AGBL4: variants seen among roughly 807,000 people sequenced by gnomAD.
AGBL4 encodes the protein AGBL carboxypeptidase 4.
AGBL4 carries 58 observed loss-of-function variants against 66.4 expected under a neutral mutation model. The ratio of observed to expected loss-of-function variants is 0.87; its 90% CI spans 0.71 to 1.09. The LOEUF (loss-of-function observed/expected upper bound fraction) is 1.09, where lower values mean the gene tolerates loss of function less well. AGBL4 is among the 50% of genes least tolerant of loss of function. The pLI is 0.00. For synonymous variants in AGBL4, 234 were observed against 222.9 expected (o/e 1.05, Z -0.44); for missense variants, 579 against 631.0 (o/e 0.92, Z 0.88).
At chr1:49,441,766 A>G (rs1262311027) in intron 3 of AGBL4, among the ~76,000 whole-genome samples, 1 of 152,198 alleles carries the variant, frequency 6.6e-6, no homozygotes, top group East Asian at 1.9e-4. Context: ...CCAACAGGTG[A>G]CCTCAGCAGA....
At chr1:48,646,708 G>A (rs1645842558) in intron 8 of AGBL4, among the ~76,000 whole-genome samples, 1 of 152,058 alleles carries the variant, frequency 6.6e-6, no homozygotes, top group South Asian at 2.1e-4. Context: ...TCAGAAGGAA[G>A]TACTCTCTGC....
intron 3 of AGBL4, among the ~76,000 whole-genome samples, chr1:49,483,448 G>A (rs1034369596): frequency 7.9e-5 from 12 of 151,764 alleles, no homozygotes; most frequent in African/African-American, 2.4e-4. Flanking sequence ...AAATACCAAT[G>A]AAATTATTCA....
At chr1:49,430,001 T>A (rs2148655362) in intron 3 of AGBL4, among the ~76,000 whole-genome samples, 1 of 152,066 alleles carries the variant, frequency 6.6e-6, no homozygotes, top group East Asian at 1.9e-4. Context: ...AGCATCACCA[T>A]GCCTGGCTAA....
At chr1:48,766,890 G>C (rs1359760358) in intron 6 of AGBL4, among the ~76,000 whole-genome samples, 1 of 152,194 alleles carries the variant, frequency 6.6e-6, no homozygotes, top group Non-Finnish European at 1.5e-5. Context: ...ATGCTAAGTA[G>C]TCCTTGTGTT....
intron 11 of AGBL4, among the ~76,000 whole-genome samples, chr1:48,562,717 T>G (rs907965829): frequency 6.6e-6 from 1 of 152,144 alleles, no homozygotes; most frequent in African/African-American, 2.4e-5. Flanking sequence ...GAAGAAAATT[T>G]GAGACTCAGA....
At chr1:48,853,319 C>T (rs935530375) in intron 6 of AGBL4, among the ~76,000 whole-genome samples, 3 of 152,192 alleles carry the variant, frequency 2.0e-5, no homozygotes, top group Admixed American at 6.5e-5. Flanking sequence ...TGAGAGACCC[C>T]AAGCCAAAAC....
chr1:50,022,455 A>C (rs1572074263), intron 1 of AGBL4, among the ~76,000 whole-genome samples: 1 of 152,296 alleles, frequency 6.6e-6, no homozygotes, highest in Non-Finnish European at 1.5e-5. Flanking sequence ...GGGAGCTAAA[A>C]CTATAAAATG....
chr1:48,925,560 T>G (rs964489991), intron 5 of AGBL4, among the ~76,000 whole-genome samples: 2 of 152,156 alleles, frequency 1.3e-5, no homozygotes, highest in African/African-American at 4.8e-5. Flanking sequence ...TGTTAGTGTA[T>G]TTTATGTGTG....
At chr1:48,636,594 A>G (rs1395582969) in intron 8 of AGBL4, among the ~76,000 whole-genome samples, 1 of 152,200 alleles carries the variant, frequency 6.6e-6, no homozygotes, top group Non-Finnish European at 1.5e-5. Context: ...ACTACATTAA[A>G]TTGTCTTTCA....
At chr1:49,324,859 C>T (rs751088881) in intron 3 of AGBL4, among the ~76,000 whole-genome samples, 1 of 152,148 alleles carries the variant, frequency 6.6e-6, no homozygotes, top group Non-Finnish European at 1.5e-5. Context: ...GTGAGTGACA[C>T]ATAGTGGTCT....
intron 5 of AGBL4, among the ~76,000 whole-genome samples, chr1:48,895,416 G>A (rs1263910683): frequency 6.6e-6 from 1 of 152,234 alleles, no homozygotes; most frequent in Admixed American, 6.5e-5. Context: ...CTGGCAAGGA[G>A]AGACAGCTTA....
chr1:49,333,914 G>T (rs1645383894), intron 3 of AGBL4, among the ~76,000 whole-genome samples: 1 of 152,116 alleles, frequency 6.6e-6, no homozygotes, highest in African/African-American at 2.4e-5. Flanking sequence ...GAGAACTTTG[G>T]TTAAGCCTGG....
At chr1:49,672,381 ACT>A (rs1291175834) in intron 3 of AGBL4, among the ~76,000 whole-genome samples, 5 of 151,930 alleles carry the variant, frequency 3.3e-5, no homozygotes, top group Non-Finnish European at 5.9e-5. Context: ...AGAAATAATA[ACT>A]CTTGTGTAAT....
At chr1:49,895,191 C>A in intron 1 of AGBL4, among the ~76,000 whole-genome samples, 2 of 147,446 alleles carry the variant, frequency 1.4e-5, no homozygotes, top group African/African-American at 5.0e-5. Flanking sequence ...AAGACTTTCC[C>A]AGTTTAAAAA....
At chr1:48,551,886 T>C (rs1644253852) in intron 11 of AGBL4, among the ~76,000 whole-genome samples, 1 of 151,936 alleles carries the variant, frequency 6.6e-6, no homozygotes, top group African/African-American at 2.4e-5. Context: ...ATCACCCTAA[T>C]GGGGTCTTTT....
At chr1:49,075,409 TA>T (rs1285672476) in intron 4 of AGBL4, among the ~76,000 whole-genome samples, 1 of 152,122 alleles carries the variant, frequency 6.6e-6, no homozygotes, top group Non-Finnish European at 1.5e-5. Flanking sequence ...GTCCAAAAAA[TA>T]AAAATAAATA....
intron 3 of AGBL4, among the ~76,000 whole-genome samples, chr1:49,401,592 T>C (rs966977276): frequency 2.0e-5 from 3 of 152,230 alleles, no homozygotes; most frequent in African/African-American, 7.2e-5. Flanking sequence ...TGCTAGTATT[T>C]GGTTGAAAAT....
chr1:49,503,960 C>G (rs1648440296), intron 3 of AGBL4, among the ~76,000 whole-genome samples: 1 of 152,060 alleles, frequency 6.6e-6, no homozygotes, highest in South Asian at 2.1e-4. Context: ...AACATGAGGA[C>G]ATGAGATTTG....
chr1:48,529,084 C>T (rs944887485), downstream of AGBL4, among the ~76,000 whole-genome samples: 3 of 152,002 alleles, frequency 2.0e-5, no homozygotes, highest in Non-Finnish European at 4.4e-5. Flanking sequence ...TCATTCCACA[C>T]TCAGTGAGCA....
Sources: gnomAD v4.1 joint callset for allele counts (sites outside exome capture counted in the v4.1 genomes callset) on GRCh38, gnomAD v4.1.1 for gene constraint, MANE v1.5 for transcripts, NCBI Gene and HGNC (gene_info 2026-07-23, HGNC 2026-07-21) for gene names.